Variants in CD44 observed in about 807,000 individuals in gnomAD.
The protein encoded by CD44 is CD44 antigen.
CD44 carries 49 observed loss-of-function variants against 88.8 expected under a neutral mutation model. That is an observed-to-expected ratio of 0.55 (90% CI 0.44 to 0.70). The LOEUF (loss-of-function observed/expected upper bound fraction) is 0.70, where lower values mean the gene tolerates loss of function less well. Among genes scored for constraint, CD44 ranks in the 30% least tolerant of loss-of-function variants. CD44 has a pLI of 0.00. For missense variants in CD44, 883 were observed against 913.8 expected, an observed-to-expected ratio of 0.97 and a Z score of 0.43; for synonymous variants, 325 against 312.3, an observed-to-expected ratio of 1.04 and a Z score of -0.43.
intron 17 of CD44, among the ~76,000 whole-genome samples, chr11:35,225,263 T>C (rs1949619916): frequency 6.6e-6 from 1 of 152,152 alleles, no homozygotes; most frequent in African/African-American, 2.4e-5. Context: ...TCGTTAAGGA[T>C]TGTCAGGTAG....
intron 1 of CD44, among the ~76,000 whole-genome samples, chr11:35,155,199 C>CT (rs763871595): frequency 6.6e-6 from 1 of 152,196 alleles, no homozygotes; most frequent in Non-Finnish European, 1.5e-5. Flanking sequence ...GACCACAGTG[C>CT]TTGACTTAGA....
rs78436522 is a variant in CD44, at chr11:35,209,325, G to A, written c.1517-640G>A. 1.5e-3 allele frequency among the ~76,000 whole-genome samples: 228 copies of A among 152,296 alleles called. 8 individuals are homozygous for A. The East Asian group carries it at 0.041, about 27-fold the overall frequency. ...GGGCCCTGTGTTTGCCCAGGCAAGC[G>A]TTTCCTTGGTGCAGTGATGAAAATC... On this transcript the variant is annotated intron_variant, in intron 12 of 17. Coordinates refer to ENST00000428726, the MANE Select transcript of CD44 (RefSeq NM_000610.4).
chr11:35,161,101 T>A (rs1393160967), intron 1 of CD44, among the ~76,000 whole-genome samples: 1 of 152,216 alleles, frequency 6.6e-6, no homozygotes, highest in Non-Finnish European at 1.5e-5. Context: ...AAGAATTAAG[T>A]TAGAGTAAGA....
At chr11:35,146,153 T>G (rs141876981) in intron 1 of CD44, among the ~76,000 whole-genome samples, 52 of 152,244 alleles carry the variant, frequency 3.4e-4, no homozygotes, top group Non-Finnish European at 3.5e-4. Context: ...CTGAGGTAAG[T>G]GTCCCTGCGA....
intron 14 of CD44, among the ~76,000 whole-genome samples, chr11:35,213,202 T>C (rs1357289128): frequency 1.3e-5 from 2 of 152,218 alleles, no homozygotes; most frequent in Non-Finnish European, 2.9e-5. Context: ...GTAAATCAAA[T>C]GCTTTTTACA....
intron 17 of CD44, among the ~76,000 whole-genome samples, chr11:35,225,152 A>G (rs1443525140): frequency 8.1e-6 from 1 of 124,128 alleles, no homozygotes; most frequent in African/African-American, 2.6e-5. Context: ...TTTTAATTTC[A>G]TTTCATTGTA....
At chr11:35,205,770 T>C in intron 10 of CD44, 6 of 997,102 alleles carry the variant, frequency 6.0e-6, no homozygotes, top group Non-Finnish European at 7.2e-6. Context: ...CGGGCTTTTA[T>C]ACTTCTGCCT....
At chr11:35,202,942 C>T (rs1044789743) in intron 9 of CD44, among the ~76,000 whole-genome samples, 1 of 152,200 alleles carries the variant, frequency 6.6e-6, no homozygotes, top group Non-Finnish European at 1.5e-5. Flanking sequence ...ACAGTTTGTA[C>T]TTAAAGACCA....
chr11:35,226,039 AGAATTTGTCTCTTAAAAGCAC>A (rs1453563821), intron 17 of CD44, among the ~76,000 whole-genome samples: 1 of 152,238 alleles, frequency 6.6e-6, no homozygotes, highest in Non-Finnish European at 1.5e-5. Flanking sequence ...CTTAAAAATT[AGAATTTGTCTCTTAAAAGCAC>A]TTATTAGACG....
chr11:35,176,794 G>A (rs1450224393), intron 2 of CD44, 54 bp downstream of exon 2: 1 of 1,556,146 alleles, frequency 6.4e-7, no homozygotes, highest in South Asian at 1.2e-5. Context: ...GGACCAGGCA[G>A]CTGGGCTTAG....
chr11:35,189,783 A>G (rs1163769003), intron 4 of CD44, 52 bp from the exon 5 acceptor site: 8 of 1,209,688 alleles, frequency 6.6e-6, no homozygotes, highest in African/African-American at 1.5e-5. Context: ...GCTAATCCAC[A>G]TACTCAAAAT....
chr11:35,162,808 T>G (rs1175822750), intron 1 of CD44, among the ~76,000 whole-genome samples: 1 of 152,042 alleles, frequency 6.6e-6, no homozygotes, highest in African/African-American at 2.4e-5. Flanking sequence ...GAAGAGTGAA[T>G]AGCAGTAGTG....
intron 15 of CD44, among the ~76,000 whole-genome samples, chr11:35,216,163 G>A (rs1948817163): frequency 6.6e-6 from 1 of 151,678 alleles, no homozygotes; most frequent in Non-Finnish European, 1.5e-5. Flanking sequence ...TTACTCCCAG[G>A]CATGAATTCT....
chr11:35,223,229 T>G, intron 17 of CD44: 1 of 985,352 alleles, frequency 1.0e-6, no homozygotes, highest in Non-Finnish European at 1.2e-6. Flanking sequence ...ATAATGTGAC[T>G]TGGGGGAGCC....
chr11:35,176,796 T>C, intron 2 of CD44, 56 bp downstream of exon 2: 1 of 1,545,828 alleles, frequency 6.5e-7, no homozygotes, highest in Admixed American at 1.8e-5. Context: ...ACCAGGCAGC[T>C]GGGCTTAGAA....
At chr11:35,189,266 G>C (rs542946404) in intron 4 of CD44, among the ~76,000 whole-genome samples, 1 of 152,338 alleles carries the variant, frequency 6.6e-6, no homozygotes, top group South Asian at 2.1e-4. Context: ...CTAGCCAGAA[G>C]TGGGTGTTTG....
intron 1 of CD44, among the ~76,000 whole-genome samples, chr11:35,176,173 G>A (rs1360052103): frequency 6.6e-6 from 1 of 151,924 alleles, no homozygotes; most frequent in Non-Finnish European, 1.5e-5. Context: ...CTCCGGAGCA[G>A]CTGGGACTAC....
chr11:35,144,589 C>T (rs983754296), intron 1 of CD44, among the ~76,000 whole-genome samples: 10 of 152,074 alleles, frequency 6.6e-5, no homozygotes, highest in Admixed American at 1.3e-4. Flanking sequence ...ACTGGGTTTG[C>T]GAGGCAAGCC....
chr11:35,186,084 G>T (rs1332655400), intron 3 of CD44, among the ~76,000 whole-genome samples: 1 of 152,140 alleles, frequency 6.6e-6, no homozygotes, highest in Non-Finnish European at 1.5e-5. Flanking sequence ...CCCATGATGA[G>T]ATATGCCAAA....
Sources: allele counts gnomAD v4.1 joint callset (sites outside exome capture counted in the v4.1 genomes callset), GRCh38; gene constraint gnomAD v4.1.1; transcripts MANE v1.5; gene names NCBI Gene and HGNC (gene_info 2026-07-23, HGNC 2026-07-21).